The following NF1 variants were observed in gnomAD, a reference collection of about 807,000 sequenced individuals.
The protein encoded by NF1 is neurofibromin.
A neutral mutation model predicts 325.7 loss-of-function variants in NF1; 122 were observed. The ratio of observed to expected loss-of-function variants is 0.37; its 90% CI spans 0.32 to 0.44. The LOEUF (loss-of-function observed/expected upper bound fraction) is 0.44, where lower values mean the gene tolerates loss of function less well. NF1 is among the 20% of genes least tolerant of loss of function. NF1 has a pLI of 1.00. For missense variants in NF1, 2,140 were observed against 3,415.4 expected, an observed-to-expected ratio of 0.63 and a Z score of 9.31; for synonymous variants, 1,091 against 1,186.0, an observed-to-expected ratio of 0.92 and a Z score of 1.65.
intron 36 of NF1, chr17:31,305,313 T>C (rs2068686445): frequency 2.5e-6 from 4 of 1,614,142 alleles, no homozygotes; most frequent in Non-Finnish European, 2.5e-6. Context: ...CAAGTGGTTG[T>C]CCAGCAGAAG....
At chr17:31,259,168 T>C in intron 33 of NF1, 39 bp downstream of exon 33, 2 of 1,402,668 alleles carry the variant, frequency 1.4e-6, no homozygotes. Flanking sequence ...TCTGTTTGAA[T>C]CAAATATTTT....
At chr17:31,316,878 A>G (rs1221199835) in intron 36 of NF1, among the ~76,000 whole-genome samples, 1 of 152,190 alleles carries the variant, frequency 6.6e-6, no homozygotes, top group Non-Finnish European at 1.5e-5. Context: ...TCTCATTTTA[A>G]TAATAGCTAG....
At chr17:31,373,033 ATTGT>A (rs2070674702) in intron 57 of NF1, among the ~76,000 whole-genome samples, 2 of 152,284 alleles carry the variant, frequency 1.3e-5, no homozygotes, top group South Asian at 4.1e-4. Context: ...ATAATCAATC[ATTGT>A]TAGGCCCAGG....
rs200926157 is a variant in NF1, at chr17:31,288,522, GTTTTTTTTTTTTT to G, written c.4835+23195_4835+23207del. ...GCCCAGAACTAGTTTTTTTTGCTTTGTTTTTTTTTTTTTTTTTTTTTTTTGGAGTGGGAGACAG... is the reference window on the plus strand; with the variant it reads ...GCCCAGAACTAGTTTTTTTTGCTTTGTTTTTTTTTTTGGAGTGGGAGACAG... On this transcript the variant is annotated intron_variant, in intron 36 of 57. Transcript: ENST00000358273. Among the ~76,000 whole-genome samples the G allele has an allele frequency of 1.0e-3, 124 of 119,696 alleles. 1 individual carries two copies. Among genetic ancestry groups the G allele is most frequent in the South Asian group, 2.8e-3 (10 of 3,518 alleles). 78.5% of individuals were successfully genotyped at this position (119,696 alleles called of 152,430 possible). A position where few individuals can be genotyped will look rare whatever the true frequency, so the allele number is the denominator to read the frequency against.
chr17:31,274,033 T>C (rs1231539400), intron 36 of NF1, among the ~76,000 whole-genome samples: 1 of 152,186 alleles, frequency 6.6e-6, no homozygotes, highest in Non-Finnish European at 1.5e-5. Context: ...CATGGTTATT[T>C]TGAAGTTTAA....
chr17:31,279,094 A>C lies in NF1; in HGVS notation c.4835+13755A>C, dbSNP rs562302807. ...TCTCTACAAAGTACATTTAAAAAAAAATTAGCCAGGTGTGGTGGCACACAC... is the reference window on the plus strand; with the variant it reads ...TCTCTACAAAGTACATTTAAAAAAACATTAGCCAGGTGTGGTGGCACACAC... On this transcript the variant is annotated intron_variant, in intron 36 of 57. Coordinates refer to ENST00000358273, the MANE Select transcript of NF1 (RefSeq NM_001042492.3). Among the ~76,000 whole-genome samples the C allele has an allele frequency of 5.9e-5, 9 of 152,152 alleles. No individual in the cohort carries two copies. The South Asian group carries it at 1.7e-3, about 28-fold the overall frequency.
chr17:31,158,156 A>G (rs941015550), intron 2 of NF1, among the ~76,000 whole-genome samples: 1 of 152,116 alleles, frequency 6.6e-6, no homozygotes, highest in Non-Finnish European at 1.5e-5. Context: ...TAGCTTCCAC[A>G]TATGAGTGAG....
chr17:31,211,929 T>C (rs1346811941), intron 12 of NF1, among the ~76,000 whole-genome samples: 1 of 152,144 alleles, frequency 6.6e-6, no homozygotes, highest in African/African-American at 2.4e-5. Context: ...TCAGGATCTA[T>C]ACTGTAGACT....
intron 1 of NF1, among the ~76,000 whole-genome samples, chr17:31,144,460 A>G (rs1416324811): frequency 1.3e-5 from 2 of 152,206 alleles, no homozygotes; most frequent in Non-Finnish European, 2.9e-5. Context: ...CCTAAAAACA[A>G]CCATTTTATT....
intron 55 of NF1, 118 bp from the exon 56 acceptor site, chr17:31,358,851 A>C (rs562088946): frequency 2.7e-6 from 3 of 1,109,692 alleles, no homozygotes; most frequent in South Asian, 2.7e-5. Context: ...TCATTCTAAA[A>C]ACATGTTTTC....
intron 8 of NF1, among the ~76,000 whole-genome samples, chr17:31,194,960 T>C (rs1217165346): frequency 6.6e-6 from 1 of 152,128 alleles, no homozygotes; most frequent in African/African-American, 2.4e-5. Flanking sequence ...AGTAACTAAT[T>C]ATTCGAACAG....
intron 5 of NF1, among the ~76,000 whole-genome samples, chr17:31,172,606 C>T (rs1419253969): frequency 6.6e-6 from 1 of 152,004 alleles, no homozygotes; most frequent in African/African-American, 2.4e-5. Context: ...ATTATCATCT[C>T]TTGTGTAGAT....
chr17:31,260,847 C>G (rs2067673635), intron 34 of NF1, among the ~76,000 whole-genome samples: 1 of 152,146 alleles, frequency 6.6e-6, no homozygotes, highest in Non-Finnish European at 1.5e-5. Context: ...CTCTGAAGAA[C>G]AGCCAATTCG....
intron 12 of NF1, among the ~76,000 whole-genome samples, chr17:31,212,767 G>T (rs2066751147): frequency 6.6e-6 from 1 of 152,054 alleles, no homozygotes; most frequent in Admixed American, 6.6e-5. Context: ...TTCTCATCAA[G>T]TATTGTATAC....
intron 5 of NF1, among the ~76,000 whole-genome samples, chr17:31,181,106 T>A (rs889452335): frequency 2.0e-5 from 3 of 152,148 alleles, no homozygotes; most frequent in Non-Finnish European, 2.9e-5. Flanking sequence ...AGGACACAAA[T>A]GGAAAACAAT....
At chr17:31,213,438 T>TGTGTG (rs1191871067) in intron 12 of NF1, among the ~76,000 whole-genome samples, 1 of 152,222 alleles carries the variant, frequency 6.6e-6, no homozygotes, top group East Asian at 1.9e-4. Context: ...ATTTGTGTTG[T>TGTGTG]AGATATGCAT....
chr17:31,301,448 T>G (rs968102018), intron 36 of NF1, among the ~76,000 whole-genome samples: 10 of 152,196 alleles, frequency 6.6e-5, no homozygotes, highest in African/African-American at 2.4e-4. Context: ...GTTCCATTGA[T>G]CTGTTTGTTT....
At chr17:31,321,723 A>C (rs545684506) in intron 36 of NF1, 148 of 151,940 alleles carry the variant, frequency 9.7e-4, no homozygotes, top group African/African-American at 3.1e-3. Context: ...AAAAAAAAAA[A>C]AACAACGAAA....
intron 13 of NF1, among the ~76,000 whole-genome samples, chr17:31,217,882 T>TTGAA (rs1293141704): frequency 6.7e-6 from 1 of 148,784 alleles, no homozygotes; most frequent in Non-Finnish European, 1.5e-5. Context: ...GGAGAATCGG[T>TTGAA]TGAACCCAGG....
Sources: allele counts gnomAD v4.1 joint callset (sites outside exome capture counted in the v4.1 genomes callset), GRCh38; gene constraint gnomAD v4.1.1; transcripts MANE v1.5; gene names NCBI Gene and HGNC (gene_info 2026-07-23, HGNC 2026-07-21).